TSNARE1: variants seen among roughly 807,000 people sequenced by gnomAD.
TSNARE1 encodes the protein t-SNARE domain-containing protein 1.
TSNARE1 carries 49 observed loss-of-function variants against 62.0 expected under a neutral mutation model. The ratio of observed to expected loss-of-function variants is 0.79; its 90% CI spans 0.63 to 1.00. The LOEUF is 1.00. Ranked by LOEUF, TSNARE1 falls within the 50% of genes least tolerant of loss-of-function variation. TSNARE1 has a pLI of 0.00. For synonymous variants in TSNARE1, 328 were observed against 294.4 expected (o/e 1.11, Z -1.17); for missense variants, 755 against 700.1 (o/e 1.08, Z -0.88).
intron 13 of TSNARE1, among the ~76,000 whole-genome samples, chr8:142,223,459 T>TCAC (rs145572515): frequency 4.5e-5 from 2 of 44,090 alleles, no homozygotes; most frequent in Non-Finnish European, 4.8e-5. Context: ...CATTCGCTCA[T>TCAC]TCACTCATTC....
Position 142,331,839 on chromosome 8 carries a change from A to G in TSNARE1, c.746-8T>C. ...ACGGATCGACCTGGGTGGCTGGGAG[A>G]AGACAGGGAGGAGGAAAGAACACAG... is the stretch of plus-strand genomic sequence containing the variant. On this transcript the variant is annotated splice_polypyrimidine_tract_variant and splice_region_variant and intron_variant, in intron 4 of 13. Transcript: ENST00000524325. 6.2e-7 allele frequency: 1 copy of G among 1,605,576 alleles called. No homozygotes were observed. Among genetic ancestry groups the G allele is most frequent in the Non-Finnish European group, 8.5e-7 (1 of 1,176,108 alleles).
intron 4 of TSNARE1, among the ~76,000 whole-genome samples, chr8:142,335,525 G>C (rs1330558468): frequency 6.6e-6 from 1 of 151,320 alleles, no homozygotes; most frequent in African/African-American, 2.4e-5. Context: ...ACTAAAAAAA[G>C]AAACAAACAG....
intron 1 of TSNARE1, among the ~76,000 whole-genome samples, chr8:142,401,250 G>A (rs1045557567): frequency 2.0e-5 from 3 of 152,048 alleles, no homozygotes; most frequent in Admixed American, 6.5e-5. Flanking sequence ...TCCTACTCTC[G>A]GTGCTGGGTG....
intron 10 of TSNARE1, among the ~76,000 whole-genome samples, chr8:142,294,053 G>A (rs751267649): frequency 3.7e-4 from 57 of 152,166 alleles, no homozygotes; most frequent in Non-Finnish European, 6.2e-4. Context: ...CAGGGGCCAC[G>A]AGGAGAGGGA....
rs58755110 is a variant in TSNARE1, at chr8:142,311,290, G to GTTTTTTTTTTTTTTTTTTTTTTTTTTTT, written c.1131+3093_1131+3094insAAAAAAAAAAAAAAAAAAAAAAAAAAAA. Among the ~76,000 whole-genome samples, 42 of 57,350 alleles carry GTTTTTTTTTTTTTTTTTTTTTTTTTTTT rather than the reference G, an allele frequency of 7.3e-4. 3 individuals are homozygous for GTTTTTTTTTTTTTTTTTTTTTTTTTTTT. Among genetic ancestry groups the GTTTTTTTTTTTTTTTTTTTTTTTTTTTT allele is most frequent in the East Asian group, 2.5e-3 (4 of 1,616 alleles). The allele number at this position is 57,350 out of a possible 152,430, so 37.6% of individuals were successfully genotyped here. A position where few individuals can be genotyped will look rare whatever the true frequency, so the allele number is the denominator to read the frequency against. On this transcript the variant is annotated intron_variant, in intron 9 of 13. Transcript: ENST00000524325. Reference sequence around the variant, plus strand: ...CGATTCTCCTGCCTCAGCCTCTCTAGTTTTTTTTTTTTTTTTTTTTTTTTG... The same window carrying GTTTTTTTTTTTTTTTTTTTTTTTTTTTT: ...CGATTCTCCTGCCTCAGCCTCTCTAGTTTTTTTTTTTTTTTTTTTTTTTTTTTTTTTTTTTTTTTTTTTTTTTTTTTTG...
chr8:142,231,915 G>A (rs949724602), intron 12 of TSNARE1, among the ~76,000 whole-genome samples: 4 of 152,242 alleles, frequency 2.6e-5, no homozygotes, highest in African/African-American at 9.7e-5. Flanking sequence ...TGCCATAAGA[G>A]TGCAAGGTGG....
At chr8:142,239,356 T>C (rs7465677) in intron 12 of TSNARE1, among the ~76,000 whole-genome samples, 86,365 of 151,944 alleles carry the variant, frequency 0.57, 26,590 homozygotes, top group African/African-American at 0.81. Context: ...GCCTGGAGAG[T>C]GTGAACTAAA....
chr8:142,311,459 G>A (rs530436871), intron 9 of TSNARE1, among the ~76,000 whole-genome samples: 6 of 151,332 alleles, frequency 4.0e-5, no homozygotes, highest in Middle Eastern at 3.4e-3. Context: ...CACCACACCC[G>A]GCTAATTTTG....
At chr8:142,218,690 A>G (rs1321430984) in intron 13 of TSNARE1, among the ~76,000 whole-genome samples, 2 of 152,158 alleles carry the variant, frequency 1.3e-5, no homozygotes. Flanking sequence ...CCTGGCTGCC[A>G]GCCCCCTGTG....
At chr8:142,290,055 G>A (rs1353254319) in intron 10 of TSNARE1, among the ~76,000 whole-genome samples, 1 of 152,220 alleles carries the variant, frequency 6.6e-6, no homozygotes, top group Non-Finnish European at 1.5e-5. Flanking sequence ...GGCTCCTGAG[G>A]AGGAAGCTCG....
chr8:142,323,761 C>T (rs1344755314), intron 6 of TSNARE1, among the ~76,000 whole-genome samples: 5 of 152,228 alleles, frequency 3.3e-5, no homozygotes, highest in East Asian at 1.9e-4. Flanking sequence ...CATTCCCACT[C>T]GCCATCACGA....
intron 9 of TSNARE1, among the ~76,000 whole-genome samples, chr8:142,303,940 C>A (rs1826209295): frequency 6.6e-6 from 1 of 152,236 alleles, no homozygotes; most frequent in South Asian, 2.1e-4. Context: ...TTTCCTCAGG[C>A]CCCTCGGCAG....
chr8:142,222,476 TCACTCACTCACTCATC>T (rs1273702208), intron 13 of TSNARE1, among the ~76,000 whole-genome samples: 1 of 110,596 alleles, frequency 9.0e-6, no homozygotes, highest in Non-Finnish European at 2.1e-5. Context: ...ACTCATCCAC[TCACTCACTCACTCATC>T]CACTCACTCA....
upstream of TSNARE1, chr8:142,405,922 C>T (rs1407271050): frequency 6.6e-6 from 1 of 152,318 alleles, no homozygotes; most frequent in African/African-American, 2.4e-5. Context: ...CTCCTTTGTC[C>T]CTTAGCAACA....
In TSNARE1 at chr8:142,274,875, G is replaced by A. The variant is rs1362003899; in HGVS notation, c.1364-12C>T. 1.3e-6 allele frequency: 2 copies of A among 1,538,666 alleles called. No individual in the cohort carries two copies. The highest frequency in any genetic ancestry group is 2.0e-5 in the Admixed American group (1 of 50,700). On this transcript the variant is annotated splice_polypyrimidine_tract_variant and intron_variant, in intron 11 of 13. Coordinates refer to ENST00000524325, the MANE Select transcript of TSNARE1 (RefSeq NM_145003.5). ...GGCTTCAATACTATCTGCAAATCAA[G>A]ACAACAGAAGGCAATTACAGATGGA...
intron 12 of TSNARE1, among the ~76,000 whole-genome samples, chr8:142,255,519 C>T (rs1476949250): frequency 3.3e-4 from 11 of 33,148 alleles, no homozygotes; most frequent in East Asian, 7.6e-4. Flanking sequence ...TCACCATCAC[C>T]ACCACCACCA....
chr8:142,250,437 G>A (rs886428255), intron 12 of TSNARE1, among the ~76,000 whole-genome samples: 6 of 152,138 alleles, frequency 3.9e-5, no homozygotes, highest in African/African-American at 1.2e-4. Flanking sequence ...AAGCAGCGGC[G>A]TGGGGGCTGA....
chr8:142,234,428 G>A (rs539698818), intron 12 of TSNARE1, among the ~76,000 whole-genome samples: 13 of 151,512 alleles, frequency 8.6e-5, no homozygotes, highest in East Asian at 3.9e-4. Context: ...CCACAACCAC[G>A]GGTTCAGGGA....
intron 13 of TSNARE1, among the ~76,000 whole-genome samples, chr8:142,222,201 C>T (rs1423106412): frequency 1.2e-5 from 1 of 81,260 alleles, no homozygotes; most frequent in South Asian, 4.6e-4. Flanking sequence ...CATTCACTCA[C>T]TCACTCATCC....
Sources: allele counts gnomAD v4.1 joint callset (sites outside exome capture counted in the v4.1 genomes callset), GRCh38; gene constraint gnomAD v4.1.1; transcripts MANE v1.5; gene names NCBI Gene and HGNC (gene_info 2026-07-23, HGNC 2026-07-21).